Variants in NPB observed in about 807,000 individuals in gnomAD.
The protein encoded by NPB is neuropeptide B, also known as prepro-NPB.
In NPB, 8 loss-of-function variants were observed where a neutral mutation model predicts 6.7. The observed-to-expected ratio is 1.20, with a 90% CI of 0.71 to 2.17. NPB has a LOEUF of 2.17. Among genes scored for constraint, NPB ranks in the 30% most tolerant of loss-of-function variants. The probability of loss-of-function intolerance (pLI) is 0.00; values close to 1 mark genes in which losing one functional copy is unlikely to be tolerated. For synonymous variants in NPB, 118 were observed against 103.4 expected (o/e 1.14, Z -0.86); for missense variants, 199 against 190.2 (o/e 1.05, Z -0.27).
chr17:81,902,838 C>G lies in NPB; in HGVS notation c.*90C>G. On this transcript the variant is annotated 3_prime_UTR_variant, in exon 2 of 2. Coordinates refer to ENST00000333383, the MANE Select transcript of NPB (RefSeq NM_148896.5). ...GCCCCTCCGGCGCGGGATGGCGCCCCAGGTCTCCCCTACTCCGCTCACCCC... is the reference window on the plus strand; with the variant it reads ...GCCCCTCCGGCGCGGGATGGCGCCCGAGGTCTCCCCTACTCCGCTCACCCC... 1 of 1,193,852 alleles carries G rather than the reference C, an allele frequency of 8.4e-7. No homozygotes were observed. Among genetic ancestry groups the G allele is most frequent in the Non-Finnish European group, 1.2e-6 (1 of 866,058 alleles). 74.0% of individuals were successfully genotyped at this position (1,193,852 alleles called of 1,614,324 possible).
chr17:81,902,821 G>T lies in NPB; in HGVS notation c.*73G>T. On this transcript the variant is annotated 3_prime_UTR_variant, in exon 2 of 2. Coordinates refer to ENST00000333383, the MANE Select transcript of NPB (RefSeq NM_148896.5). ...CCACTCGGTGACCCCAGGCCCCTCC[G>T]GCGCGGGATGGCGCCCCAGGTCTCC... The T allele has an allele frequency of 7.4e-7, 1 of 1,352,758 alleles. No individual in the cohort carries two copies. The highest frequency in any genetic ancestry group is 1.4e-5 in the South Asian group (1 of 71,254). 83.8% of individuals were successfully genotyped at this position (1,352,758 alleles called of 1,614,324 possible).
chr17:81,902,741 C>T lies in NPB; in HGVS notation c.371C>T (p.Ala124Val), dbSNP rs778717259. The T allele has an allele frequency of 6.8e-5, 110 of 1,605,910 alleles. No individual in the cohort carries two copies. Among genetic ancestry groups the T allele is most frequent in the Non-Finnish European group, 9.0e-5 (106 of 1,177,676 alleles). ...TCCCTGCGCGCAGCCGACTGCCTCG[C>T]CGCCTGAGCCCGGACCTCTCCTGGC... is the stretch of plus-strand genomic sequence containing the variant. The part of the protein sequence containing the change: ...FLSLRAADCL[A>V]A Residue 124 changes from alanine to valine, a missense_variant, in exon 2 of 2, where the codon GCC (alanine) becomes GTC (valine). By Grantham distance (64) the Ala-to-Val change is moderately conservative. Coordinates refer to ENST00000333383, the MANE Select transcript of NPB (RefSeq NM_148896.5).
At position 81,902,754 on chromosome 17, in the gene NPB, G is replaced by T. The variant is rs1373933587; in HGVS notation, c.*6G>T. ...CCGACTGCCTCGCCGCCTGAGCCCG[G>T]ACCTCTCCTGGCACCGCTGGGGGCC... On this transcript the variant is annotated 3_prime_UTR_variant, in exon 2 of 2. Transcript: ENST00000333383. The T allele has an allele frequency of 2.5e-6, 4 of 1,602,884 alleles. No homozygotes were observed. Among genetic ancestry groups the T allele is most frequent in the Non-Finnish European group, 3.4e-6 (4 of 1,176,480 alleles).
rs1598310136 is a variant in NPB, at chr17:81,902,682, C to A, written c.312C>A (p.Arg104=). The change falls in exon 2 of 2, where the codon CGC becomes CGA. Residue 104 remains arginine, a synonymous_variant. Coordinates refer to ENST00000333383, the MANE Select transcript of NPB (RefSeq NM_148896.5). The part of the protein sequence containing the change: ...LQRCERLPDG[R]GTYQCKANVF... ...GGTGCGAGCGGCTCCCCGACGGCCG[C>A]GGGACCTACCAGTGCAAGGCGAACG... is the stretch of plus-strand genomic sequence containing the variant. 6.2e-6 allele frequency: 10 copies of A among 1,608,276 alleles called. No individual in the cohort carries two copies. In the East Asian group the frequency reaches 2.2e-4, roughly 36 times the overall value.
Position 81,902,760 on chromosome 17 carries a change from T to C in NPB, c.*12T>C. ...GCCTCGCCGCCTGAGCCCGGACCTC[T>C]CCTGGCACCGCTGGGGGCCCCCCGC... On this transcript the variant is annotated 3_prime_UTR_variant, in exon 2 of 2. Transcript: ENST00000333383. The C allele has an allele frequency of 1.3e-6, 2 of 1,596,634 alleles. No homozygotes were observed. The highest frequency in any genetic ancestry group is 1.7e-6 in the Non-Finnish European group (2 of 1,173,598).
chr17:81,902,713 C>G lies in NPB; in HGVS notation c.343C>G (p.Leu115Val), dbSNP rs564910016. 24 of 1,608,936 alleles carry G rather than the reference C, an allele frequency of 1.5e-5. No homozygotes were observed. Among genetic ancestry groups the G allele is most frequent in the Middle Eastern group, 1.7e-4 (1 of 6,050 alleles). The change falls in exon 2 of 2, where the codon CTG becomes GTG. Residue 115 changes from leucine to valine, a missense_variant. By Grantham distance (32) the Leu-to-Val change is conservative. Coordinates refer to ENST00000333383, the MANE Select transcript of NPB (RefSeq NM_148896.5). ...GTYQCKANVFLSLRAADCLAA is the reference protein window; with the variant it reads ...GTYQCKANVFVSLRAADCLAA ...CTACCAGTGCAAGGCGAACGTCTTC[C>G]TGTCCCTGCGCGCAGCCGACTGCCT...
chr17:81,902,553 G>C, intron 1 of NPB, 27 bp downstream of exon 1: 1 of 1,493,666 alleles, frequency 6.7e-7, no homozygotes, highest in Non-Finnish European at 8.9e-7. Context: ...GGGGACTGAT[G>C]GGGGGCGGCG....
chr17:81,902,690 A>G lies in NPB; in HGVS notation c.320A>G (p.Tyr107Cys). Reference sequence around the variant, plus strand: ...CGGCTCCCCGACGGCCGCGGGACCTACCAGTGCAAGGCGAACGTCTTCCTG... The same window carrying G: ...CGGCTCCCCGACGGCCGCGGGACCTGCCAGTGCAAGGCGAACGTCTTCCTG... Reference protein sequence around the residue: ...CERLPDGRGTYQCKANVFLSL... With the variant: ...CERLPDGRGTCQCKANVFLSL... The change falls in exon 2 of 2, where the codon TAC becomes TGC. Residue 107 changes from tyrosine to cysteine, a missense_variant. By Grantham distance (194) the Tyr-to-Cys change is radical. Transcript: ENST00000333383. 4.4e-6 allele frequency: 7 copies of G among 1,608,850 alleles called. No homozygotes were observed. In the South Asian group the frequency reaches 7.7e-5, roughly 18 times the overall value.
rs755482135 is a variant in NPB, at chr17:81,902,612, C to T, written c.250-8C>T. 31 of 1,569,220 alleles carry T rather than the reference C, an allele frequency of 2.0e-5. No individual in the cohort carries two copies. The South Asian group carries it at 3.4e-4, about 17-fold the overall frequency. Reference sequence around the variant, plus strand: ...CGGCCCCTCAGCCTTTGCTTGCCTGCCCCCCAGGCTGTGTGCGTCCAGGAC... The same window carrying T: ...CGGCCCCTCAGCCTTTGCTTGCCTGTCCCCCAGGCTGTGTGCGTCCAGGAC... On this transcript the variant is annotated splice_polypyrimidine_tract_variant and splice_region_variant and intron_variant, in intron 1 of 1. Transcript: ENST00000333383.
chr17:81,902,757 C>T lies in NPB; in HGVS notation c.*9C>T, dbSNP rs1308835180. On this transcript the variant is annotated 3_prime_UTR_variant, in exon 2 of 2. Coordinates refer to ENST00000333383, the MANE Select transcript of NPB (RefSeq NM_148896.5). ...ACTGCCTCGCCGCCTGAGCCCGGAC[C>T]TCTCCTGGCACCGCTGGGGGCCCCC... The T allele has an allele frequency of 6.2e-7, 1 of 1,602,270 alleles. No homozygotes were observed. The highest frequency in any genetic ancestry group is 8.5e-7 in the Non-Finnish European group (1 of 1,176,152).
Position 81,902,633 on chromosome 17 carries a change from A to G in NPB, c.263A>G (p.Gln88Arg). 1 of 1,598,398 alleles carries G rather than the reference A, an allele frequency of 6.3e-7. No homozygotes were observed. The highest frequency in any genetic ancestry group is 8.5e-7 in the Non-Finnish European group (1 of 1,175,174). The change falls in exon 2 of 2, where the codon CAG becomes CGG. Residue 88 changes from glutamine (Q) to arginine (R), a missense_variant. Coordinates refer to ENST00000333383, the MANE Select transcript of NPB (RefSeq NM_148896.5). ...PRLRSLAVCV[Q>R]DVAPNLQRCE... Reference sequence around the variant, plus strand: ...CCTGCCCCCCAGGCTGTGTGCGTCCAGGACGTCGCCCCAAACCTGCAGAGG... The same window carrying G: ...CCTGCCCCCCAGGCTGTGTGCGTCCGGGACGTCGCCCCAAACCTGCAGAGG...
Position 81,902,484 on chromosome 17 carries a change from C to A in NPB, c.207C>A (p.Gly69=). ...GGGCGGAACCCCCGGGCGGGGCCGG[C>A]GCCTCCCCGGAGCTGCAACTGCACC... is the stretch of plus-strand genomic sequence containing the variant. ...YRGAEPPGGA[G]ASPELQLHPR... is the part of the protein sequence containing the mutation. The change falls in exon 1 of 2, where the codon GGC becomes GGA. Residue 69 remains glycine (G), a synonymous_variant. Transcript: ENST00000333383. 7.2e-7 allele frequency: 1 copy of A among 1,397,754 alleles called. No homozygotes were observed. The highest frequency in any genetic ancestry group is 9.2e-7 in the Non-Finnish European group (1 of 1,084,424). 86.6% of individuals were successfully genotyped at this position (1,397,754 alleles called of 1,614,324 possible).
Position 81,902,848 on chromosome 17 carries a change from C to T in NPB, c.*100C>T. 9.6e-7 allele frequency: 1 copy of T among 1,044,202 alleles called. No homozygotes were observed. The highest frequency in any genetic ancestry group is 1.3e-6 in the Non-Finnish European group (1 of 742,404). The allele number at this position is 1,044,202 out of a possible 1,614,324, so 64.7% of individuals were successfully genotyped here. ...CGCGGGATGGCGCCCCAGGTCTCCCCTACTCCGCTCACCCCGCAGTTAATG... is the reference window on the plus strand; with the variant it reads ...CGCGGGATGGCGCCCCAGGTCTCCCTTACTCCGCTCACCCCGCAGTTAATG... On this transcript the variant is annotated 3_prime_UTR_variant, in exon 2 of 2. Coordinates refer to ENST00000333383, the MANE Select transcript of NPB (RefSeq NM_148896.5).
Position 81,902,834 on chromosome 17 carries a change from G to T in NPB, c.*86G>T. The stretch of plus-strand genomic sequence containing the variant: ...CCAGGCCCCTCCGGCGCGGGATGGC[G>T]CCCCAGGTCTCCCCTACTCCGCTCA... On this transcript the variant is annotated 3_prime_UTR_variant, in exon 2 of 2. Coordinates refer to ENST00000333383, the MANE Select transcript of NPB (RefSeq NM_148896.5). 3.2e-6 allele frequency: 4 copies of T among 1,250,778 alleles called. No homozygotes were observed. In the South Asian group the frequency reaches 4.4e-5, roughly 14 times the overall value. 77.5% of individuals were successfully genotyped at this position (1,250,778 alleles called of 1,614,324 possible).
Position 81,902,511 on chromosome 17 carries a change from C to T in NPB, c.234C>T (p.Pro78=). ...AGASPELQLH[P]RLRSLAVCVQ... The stretch of plus-strand genomic sequence containing the variant: ...CCTCCCCGGAGCTGCAACTGCACCC[C>T]AGGCTGCGGAGCCTCGTGAGTCCGG... Residue 78 remains proline (P), a synonymous_variant, in exon 1 of 2, where the codon CCC becomes CCT. Transcript: ENST00000333383. The T allele has an allele frequency of 1.4e-6, 2 of 1,441,964 alleles. No homozygotes were observed. Among genetic ancestry groups the T allele is most frequent in the African/African-American group, 3.0e-5 (2 of 66,682 alleles). The allele number at this position is 1,441,964 out of a possible 1,614,324, so 89.3% of individuals were successfully genotyped here. A position where few individuals can be genotyped will look rare whatever the true frequency, so the allele number is the denominator to read the frequency against.
chr17:81,902,475 CG>C lies in NPB; in HGVS notation c.202del (p.Ala68ProfsTer78). On this transcript the variant is annotated frameshift_variant, in exon 1 of 2. Transcript: ENST00000333383. LOFTEE classifies it low-confidence loss of function (END_TRUNC). ...CCTACAGAGGGGCGGAACCCCCGGG[CG>C]GGGCCGGCGCCTCCCCGGAGCTGCA... ...QPYRGAEPPG[G>X]AGASPELQLH... 1 of 1,392,020 alleles carries C rather than the reference CG, an allele frequency of 7.2e-7. No homozygotes were observed. 86.2% of individuals were successfully genotyped at this position (1,392,020 alleles called of 1,614,324 possible).
At position 81,902,397 on chromosome 17, in the gene NPB, C is replaced by T; in HGVS notation, c.120C>T (p.Ala40=). The change falls in exon 1 of 2, where the codon GCC becomes GCT. Residue 40 remains alanine, a synonymous_variant. Coordinates refer to ENST00000333383, the MANE Select transcript of NPB (RefSeq NM_148896.5). ...AGHSSYSVGR[A]AGLLSGLRRS... ...ACAGCTCCTACTCGGTGGGCCGCGC[C>T]GCGGGGCTGCTGTCCGGCCTCCGCA... 3 of 1,343,532 alleles carry T rather than the reference C, an allele frequency of 2.2e-6. No homozygotes were observed. Among genetic ancestry groups the T allele is most frequent in the Non-Finnish European group, 2.8e-6 (3 of 1,054,438 alleles). The allele number at this position is 1,343,532 out of a possible 1,614,324, so 83.2% of individuals were successfully genotyped here.
rs754175289 is a variant in NPB, at chr17:81,902,706, C to A, written c.336C>A (p.Asn112Lys). The change falls in exon 2 of 2, where the codon AAC (asparagine) becomes AAA (lysine). Residue 112 changes from asparagine to lysine, a missense_variant. Transcript: ENST00000333383. ...DGRGTYQCKA[N>K]VFLSLRAADC... ...GCGGGACCTACCAGTGCAAGGCGAA[C>A]GTCTTCCTGTCCCTGCGCGCAGCCG... 69 of 1,609,070 alleles carry A rather than the reference C, an allele frequency of 4.3e-5. No homozygotes were observed. Among genetic ancestry groups the A allele is most frequent in the Non-Finnish European group, 5.8e-5 (68 of 1,178,906 alleles).
rs2040019232 is a variant in NPB, at chr17:81,902,902, C to G, written c.*154C>G. 1.5e-6 allele frequency: 1 copy of G among 657,188 alleles called. No homozygotes were observed. Among genetic ancestry groups the G allele is most frequent in the East Asian group, 3.3e-5 (1 of 30,318 alleles). The allele number at this position is 657,188 out of a possible 1,614,324, so 40.7% of individuals were successfully genotyped here. On this transcript the variant is annotated 3_prime_UTR_variant, in exon 2 of 2. Transcript: ENST00000333383. ...AACGAATAAATAAATGAGGCGGCCT[C>G]GGAGTGAGGGGTGCTGGAGGACTGG...
Sources: allele counts gnomAD v4.1 joint callset, GRCh38; gene constraint gnomAD v4.1.1; transcripts MANE v1.5; gene names NCBI Gene and HGNC (gene_info 2026-07-23, HGNC 2026-07-21).